Variants in SLC9A9 observed in about 807,000 individuals in gnomAD.
SLC9A9 encodes sodium/hydrogen exchanger 9.
Under a neutral mutation model 77.8 loss-of-function variants are expected in SLC9A9, and 62 were observed. The observed-to-expected ratio is 0.80, with a 90% CI of 0.65 to 0.98. The LOEUF is 0.98. SLC9A9 is among the 50% of genes least tolerant of loss of function. The pLI, the probability that SLC9A9 is intolerant of heterozygous loss-of-function variation, is 0.00. For synonymous variants in SLC9A9, 320 were observed against 283.5 expected (o/e 1.13, Z -1.29); for missense variants, 775 against 774.9 (o/e 1.00, Z 0.00).
intron 6 of SLC9A9, among the ~76,000 whole-genome samples, chr3:143,607,668 A>G (rs1253323884): frequency 1.8e-4 from 28 of 152,216 alleles, no homozygotes; most frequent in African/African-American, 6.7e-4. Flanking sequence ...CCATAGTAAT[A>G]GAACAACAAC....
intron 2 of SLC9A9, among the ~76,000 whole-genome samples, chr3:143,798,087 G>T (rs76272027): frequency 0.093 from 14,221 of 152,148 alleles, 1,513 homozygotes; most frequent in African/African-American, 0.26. Flanking sequence ...TTTAAATCCG[G>T]TAAGCGGACT....
intron 9 of SLC9A9, among the ~76,000 whole-genome samples, chr3:143,538,848 C>T (rs1355693644): frequency 1.3e-5 from 2 of 152,198 alleles, no homozygotes; most frequent in African/African-American, 4.8e-5. Flanking sequence ...TTTCACAGAT[C>T]TCTAGGGGAA....
At chr3:143,399,541 A>G (rs1203256823) in intron 12 of SLC9A9, among the ~76,000 whole-genome samples, 7 of 152,208 alleles carry the variant, frequency 4.6e-5, no homozygotes, top group African/African-American at 9.6e-5. Context: ...TTAGAGCAGA[A>G]GAGAAAGGCA....
At chr3:143,329,942 T>G (rs1348015793) in intron 14 of SLC9A9, among the ~76,000 whole-genome samples, 1 of 152,124 alleles carries the variant, frequency 6.6e-6, no homozygotes, top group Non-Finnish European at 1.5e-5. Flanking sequence ...TTTTTCTCCA[T>G]GATACAGGAG....
intron 9 of SLC9A9, among the ~76,000 whole-genome samples, chr3:143,511,304 C>T (rs113517775): frequency 0.012 from 1,837 of 152,314 alleles, 39 homozygotes; most frequent in African/African-American, 0.041. Flanking sequence ...CTTGCCCCCA[C>T]GACCTTTAAG....
At chr3:143,668,871 T>C (rs1470443569) in intron 5 of SLC9A9, among the ~76,000 whole-genome samples, 1 of 152,170 alleles carries the variant, frequency 6.6e-6, no homozygotes, top group East Asian at 1.9e-4. Flanking sequence ...AAATAATAAA[T>C]TGAACAACAC....
intron 12 of SLC9A9, among the ~76,000 whole-genome samples, chr3:143,425,163 T>C (rs1559910313): frequency 1.3e-5 from 2 of 152,144 alleles, no homozygotes; most frequent in African/African-American, 4.8e-5. Flanking sequence ...TAGAGGGTTA[T>C]ATATATCGAT....
At chr3:143,371,862 A>T (rs1427126446) in intron 13 of SLC9A9, 1 of 202,734 alleles carries the variant, frequency 4.9e-6, no homozygotes, top group Non-Finnish European at 1.0e-5. Flanking sequence ...AAAGCAATTC[A>T]GTAAAGTCTC....
At position 143,537,267 on chromosome 3, in the gene SLC9A9, G is replaced by A. The variant is rs889666166; in HGVS notation, c.1089+15095C>T. On this transcript the variant is annotated intron_variant, in intron 9 of 15. Coordinates refer to ENST00000316549, the MANE Select transcript of SLC9A9 (RefSeq NM_173653.4). ...ATTAGAAATCCTGGGCATGGAGCCC[G>A]GGTATCTGGGACTTGTAAAAAATTC... is the stretch of plus-strand genomic sequence containing the variant. Among the ~76,000 whole-genome samples the A allele has an allele frequency of 8.5e-5, 13 of 152,338 alleles. No homozygotes were observed. In the South Asian group the frequency reaches 1.7e-3, roughly 19 times the overall value.
chr3:143,784,024 C>T (rs1401674443), intron 4 of SLC9A9, among the ~76,000 whole-genome samples: 1 of 152,180 alleles, frequency 6.6e-6, no homozygotes, highest in African/African-American at 2.4e-5. Flanking sequence ...ACACAATTGC[C>T]ACTGATAAGA....
At chr3:143,762,290 T>C (rs1344032771) in intron 4 of SLC9A9, among the ~76,000 whole-genome samples, 5 of 152,168 alleles carry the variant, frequency 3.3e-5, no homozygotes, top group African/African-American at 4.8e-5. Flanking sequence ...TGTATACATA[T>C]GTAACAAACC....
chr3:143,380,887 T>C (rs974965490), intron 13 of SLC9A9, among the ~76,000 whole-genome samples: 2 of 152,202 alleles, frequency 1.3e-5, no homozygotes, highest in African/African-American at 4.8e-5. Context: ...ATGGTGTTAT[T>C]GGAAAAACAA....
At chr3:143,587,571 G>A (rs1418245007) in intron 6 of SLC9A9, among the ~76,000 whole-genome samples, 2 of 143,944 alleles carry the variant, frequency 1.4e-5, no homozygotes, top group African/African-American at 5.3e-5. Flanking sequence ...AGTCAGGCTG[G>A]AGTCAGGCTG....
chr3:143,836,379 C>A (rs1396942996), intron 1 of SLC9A9, among the ~76,000 whole-genome samples: 1 of 152,148 alleles, frequency 6.6e-6, no homozygotes, highest in African/African-American at 2.4e-5. Flanking sequence ...TCACTTTGGG[C>A]AGAATTGTAG....
At chr3:143,826,595 G>A (rs2009306923) in intron 2 of SLC9A9, among the ~76,000 whole-genome samples, 1 of 152,170 alleles carries the variant, frequency 6.6e-6, no homozygotes, top group African/African-American at 2.4e-5. Flanking sequence ...TACAAATAGA[G>A]AGGGCATTAC....
At chr3:143,724,261 C>A (rs7645841) in intron 4 of SLC9A9, among the ~76,000 whole-genome samples, 16,551 of 152,208 alleles carry the variant, frequency 0.11, 1,299 homozygotes, top group African/African-American at 0.21. Context: ...CATTCACACG[C>A]TCTCTCTCCC....
At chr3:143,667,433 T>C (rs905179223) in intron 5 of SLC9A9, among the ~76,000 whole-genome samples, 8 of 152,316 alleles carry the variant, frequency 5.3e-5, no homozygotes, top group East Asian at 3.9e-4. Flanking sequence ...AAGGACTTCA[T>C]GTCTAAAACA....
intron 14 of SLC9A9, among the ~76,000 whole-genome samples, chr3:143,333,935 G>C (rs1475377962): frequency 1.3e-5 from 2 of 152,126 alleles, no homozygotes; most frequent in African/African-American, 4.8e-5. Flanking sequence ...GGATGTCATG[G>C]GGAAGTGAAG....
intron 6 of SLC9A9, among the ~76,000 whole-genome samples, chr3:143,602,849 G>T (rs1378842536): frequency 6.6e-6 from 1 of 152,192 alleles, no homozygotes; most frequent in Non-Finnish European, 1.5e-5. Context: ...CATTTAAGAT[G>T]CAGCCCTCCT....
Sources: allele counts gnomAD v4.1 joint callset (sites outside exome capture counted in the v4.1 genomes callset), GRCh38; gene constraint gnomAD v4.1.1; transcripts MANE v1.5; gene names NCBI Gene and HGNC (gene_info 2026-07-23, HGNC 2026-07-21).